The following SLC2A5 variants were observed in gnomAD, a reference collection of about 807,000 sequenced individuals.
SLC2A5 encodes the protein solute carrier family 2, facilitated glucose transporter member 5.
In SLC2A5, 56 loss-of-function variants were observed where a neutral mutation model predicts 50.3. That is an observed-to-expected ratio of 1.11 (90% CI 0.90 to 1.39). SLC2A5 has a LOEUF of 1.39. SLC2A5 is among the 40% of genes most tolerant of loss of function. The pLI is 0.00. For synonymous variants in SLC2A5, 269 were observed against 281.9 expected, an observed-to-expected ratio of 0.95 and a Z score of 0.46; for missense variants, 566 against 650.1, an observed-to-expected ratio of 0.87 and a Z score of 1.41.
At position 9,058,165 on chromosome 1, in the gene SLC2A5, T is replaced by C. The variant is rs757414960; in HGVS notation, c.119A>G (p.Asn40Ser). The C allele has an allele frequency of 5.1e-5, 83 of 1,613,014 alleles. No individual in the cohort carries two copies. Among genetic ancestry groups the C allele is most frequent in the Non-Finnish European group, 6.4e-5 (75 of 1,179,384 alleles). The change falls in exon 2 of 12, where the codon AAC (asparagine) becomes AGC (serine). Residue 40 changes from asparagine (N) to serine (S), a missense_variant. Physicochemically the swap from Asn to Ser is conservative, Grantham distance 46. Coordinates refer to ENST00000377424, the MANE Select transcript of SLC2A5 (RefSeq NM_003039.3). ...FQYGYNVAAV[N>S]SPALLMQQFY... is the part of the protein sequence containing the mutation. Reference sequence around the variant, plus strand: ...ACAGTGACCTACCAGTGCTGGGGAGTTGACAGCAGCCACGTTGTACCCATA... The same window carrying C: ...ACAGTGACCTACCAGTGCTGGGGAGCTGACAGCAGCCACGTTGTACCCATA...
chr1:9,085,476 A>G (rs1642392590), intron 1 of SLC2A5, among the ~76,000 whole-genome samples: 1 of 152,234 alleles, frequency 6.6e-6, no homozygotes, highest in South Asian at 2.1e-4. Context: ...GTAAGATAAG[A>G]GGTTGTGGAG....
At chr1:9,053,319 T>TTATATATTATATATTTA (rs1641650651) in intron 3 of SLC2A5, among the ~76,000 whole-genome samples, 1 of 7,744 alleles carries the variant, frequency 1.3e-4, no homozygotes, top group African/African-American at 4.3e-4. Context: ...TATATTGTAT[T>TTATATATTATATATTTA]TATATATTAT....
At chr1:9,075,307 C>T (rs1274180983) in intron 2 of SLC2A5, among the ~76,000 whole-genome samples, 2 of 152,072 alleles carry the variant, frequency 1.3e-5, no homozygotes, top group African/African-American at 2.4e-5. Flanking sequence ...TCAAACATCC[C>T]GGTTGACAGA....
intron 3 of SLC2A5, among the ~76,000 whole-genome samples, chr1:9,053,074 T>A (rs1426627473): frequency 2.7e-5 from 3 of 110,394 alleles, no homozygotes; most frequent in African/African-American, 8.3e-5. Context: ...ATTATATATT[T>A]ATATATTAAT....
chr1:9,092,954 C>T (rs1210841723), upstream of SLC2A5, among the ~76,000 whole-genome samples: 4 of 152,060 alleles, frequency 2.6e-5, no homozygotes, highest in African/African-American at 7.2e-5. Context: ...AAAATTTGGG[C>T]GCTCCCACGT....
chr1:9,062,874 AAAATAAATAAAT>A (rs1047963000), intron 1 of SLC2A5, among the ~76,000 whole-genome samples: 2 of 149,138 alleles, frequency 1.3e-5, no homozygotes, highest in Non-Finnish European at 3.0e-5. Flanking sequence ...TCTGTCTCAA[AAAATAAATAAAT>A]AAATAAATAA....
rs1569841128 is a variant in SLC2A5 at position 9,040,850 on chromosome 1, A to G, written c.572-661T>C. On this transcript the variant is annotated intron_variant, in intron 5 of 11. Transcript: ENST00000377424. The surrounding 1 kb of genome is among the most constrained non-coding windows in gnomAD (Gnocchi z 4.3). ...GCGGCGCCTTGGCGTAAGTGTCCCC[A>G]ACACATGCAGGAGTGAAGGAGAGGC... 1 of 153,252 alleles carries G rather than the reference A, an allele frequency of 6.5e-6. No individual in the cohort carries two copies. Among genetic ancestry groups the G allele is most frequent in the East Asian group, 1.9e-4 (1 of 5,202 alleles). The allele number at this position is 153,252 out of a possible 1,614,324, so 9.5% of individuals were successfully genotyped here.
At chr1:9,064,211 A>G (rs567026239) in intron 1 of SLC2A5, among the ~76,000 whole-genome samples, 4 of 152,306 alleles carry the variant, frequency 2.6e-5, no homozygotes, top group African/African-American at 9.6e-5. Flanking sequence ...TTTAAAAGGC[A>G]CATAGTAGAA....
chr1:9,082,229 G>GAGTAATT (rs1557686052), intron 2 of SLC2A5, among the ~76,000 whole-genome samples: 1 of 152,168 alleles, frequency 6.6e-6, no homozygotes, highest in African/African-American at 2.4e-5. Flanking sequence ...ATTACCATAT[G>GAGTAATT]ACCTAGCAAT....
rs149740983 is a variant in SLC2A5, at chr1:9,046,975, T to TTCTC, written c.418+631_418+634dup. 3.1e-3 allele frequency among the ~76,000 whole-genome samples: 461 copies of TTCTC among 148,588 alleles called. 1 individual carries two copies. The highest frequency in any genetic ancestry group is 9.5e-3 in the African/African-American group (384 of 40,554). ...GGATGGTTTTATAAGGCAGTTTCCC[T>TTCTC]TCTCTCTCTCTCTCTCTCTCTCGCC... On this transcript the variant is annotated intron_variant, in intron 4 of 11. Transcript: ENST00000377424.
intron 2 of SLC2A5, among the ~76,000 whole-genome samples, chr1:9,084,081 T>C (rs1229261158): frequency 6.6e-6 from 1 of 151,988 alleles, no homozygotes; most frequent in Non-Finnish European, 1.5e-5. Flanking sequence ...GAGGCGGAGA[T>C]TGCAGTGAGC....
chr1:9,092,510 C>A (rs1477978218), upstream of SLC2A5, among the ~76,000 whole-genome samples: 1 of 152,100 alleles, frequency 6.6e-6, no homozygotes, highest in Non-Finnish European at 1.5e-5. Context: ...ACTCCAATAC[C>A]CCCTTCTTTC....
chr1:9,076,623 T>C (rs1424735817), intron 2 of SLC2A5, among the ~76,000 whole-genome samples: 2 of 152,078 alleles, frequency 1.3e-5, no homozygotes, highest in African/African-American at 4.8e-5. Flanking sequence ...GGAGAGGAAA[T>C]GGCTCTTGGC....
intron 1 of SLC2A5, among the ~76,000 whole-genome samples, chr1:9,067,474 G>A (rs1642112642): frequency 6.6e-6 from 1 of 152,212 alleles, no homozygotes; most frequent in Admixed American, 6.5e-5. Flanking sequence ...TCTGCAGCTG[G>A]ACTTGGTGGA....
At chr1:9,061,084 C>T (rs1351786881) in intron 1 of SLC2A5, among the ~76,000 whole-genome samples, 3 of 151,484 alleles carry the variant, frequency 2.0e-5, no homozygotes, top group Admixed American at 6.6e-5. Context: ...CAGGAGTTCT[C>T]AGCCAGCCCG....
chr1:9,060,152 T>C (rs868550936), intron 1 of SLC2A5, among the ~76,000 whole-genome samples: 5,330 of 122,030 alleles, frequency 0.044, 191 homozygotes, highest in African/African-American at 0.1. Flanking sequence ...ACATACACAC[T>C]ACACACACTA....
chr1:9,080,039 C>G (rs1166620331), intron 2 of SLC2A5, among the ~76,000 whole-genome samples: 1 of 152,220 alleles, frequency 6.6e-6, no homozygotes, highest in Non-Finnish European at 1.5e-5. Flanking sequence ...CACAATACCT[C>G]ATGTAAGTAG....
rs574763359 is a variant in SLC2A5, at chr1:9,087,290, C to T, written c.-188+1082G>A. Among the ~76,000 whole-genome samples, 10 of 151,804 alleles carry T rather than the reference C, an allele frequency of 6.6e-5. No individual in the cohort carries two copies. In the East Asian group the frequency reaches 1.6e-3, roughly 24 times the overall value. On this transcript the variant is annotated intron_variant, in intron 1 of 5. Transcript: ENST00000464985. ...TGCAATCTTGGCTCACTGCAAGCTC[C>T]GCCTCCCGGGTTCTCGCCATTCTCC...
upstream of SLC2A5, among the ~76,000 whole-genome samples, chr1:9,092,086 C>G (rs144065706): frequency 3.5e-3 from 537 of 152,320 alleles, 5 homozygotes; most frequent in African/African-American, 0.013. Context: ...AGTTCTACTT[C>G]CAGAAAAGGT....
Sources: allele counts gnomAD v4.1 joint callset (sites outside exome capture counted in the v4.1 genomes callset), GRCh38; gene constraint gnomAD v4.1.1; non-coding constraint Gnocchi (gnomAD v3.1); transcripts MANE v1.5; gene names NCBI Gene and HGNC (gene_info 2026-07-23, HGNC 2026-07-21).